The following DGLUCY variants were observed in gnomAD, a reference collection of about 807,000 sequenced individuals.
The protein encoded by DGLUCY is D-glutamate cyclase, mitochondrial.
DGLUCY carries 58 observed loss-of-function variants against 58.5 expected under a neutral mutation model. The ratio of observed to expected loss-of-function variants is 0.99; its 90% CI spans 0.80 to 1.23. The LOEUF is 1.23. Ranked by LOEUF, DGLUCY falls within the 50% of genes most tolerant of loss-of-function variation. The pLI, the probability that DGLUCY is intolerant of heterozygous loss-of-function variation, is 0.00. For synonymous variants in DGLUCY, 325 were observed against 314.1 expected, an observed-to-expected ratio of 1.03 and a Z score of -0.37; for missense variants, 779 against 784.7, an observed-to-expected ratio of 0.99 and a Z score of 0.09.
chr14:91,188,419 G>T (rs1030797433), intron 8 of DGLUCY, among the ~76,000 whole-genome samples: 1 of 152,162 alleles, frequency 6.6e-6, no homozygotes, highest in Non-Finnish European at 1.5e-5. Context: ...CAGGGGGCGG[G>T]GGTAGAATAC....
chr14:91,208,549 T>C (rs1444632387), intron 12 of DGLUCY, among the ~76,000 whole-genome samples: 1 of 151,754 alleles, frequency 6.6e-6, no homozygotes, highest in East Asian at 1.9e-4. Context: ...AGGAATTTGA[T>C]ACCAGCCTGG....
chr14:91,204,627 A>C, intron 11 of DGLUCY, 79 bp from the exon 12 acceptor site: 2 of 1,559,174 alleles, frequency 1.3e-6, no homozygotes. Context: ...GGCAACAAGC[A>C]CATGTAGGGC....
chr14:91,201,683 A>C (rs11848046), intron 11 of DGLUCY, among the ~76,000 whole-genome samples: 1 of 151,922 alleles, frequency 6.6e-6, no homozygotes, highest in Non-Finnish European at 1.5e-5. Flanking sequence ...AGCTCAAGCT[A>C]TCTTCCCACC....
chr14:91,066,995 G>A (rs1235540667), intron 1 of DGLUCY, among the ~76,000 whole-genome samples: 1 of 150,532 alleles, frequency 6.6e-6, no homozygotes, highest in Non-Finnish European at 1.5e-5. Context: ...ACAGCAGAAT[G>A]GTGTGAACCT....
chr14:91,164,010 C>T (rs968465874), intron 3 of DGLUCY, among the ~76,000 whole-genome samples: 10 of 152,070 alleles, frequency 6.6e-5, no homozygotes, highest in Admixed American at 2.0e-4. Flanking sequence ...AGTGCAGTGG[C>T]GCGATCTCGG....
At chr14:91,086,893 A>G (rs941991410) in intron 1 of DGLUCY, among the ~76,000 whole-genome samples, 5 of 152,274 alleles carry the variant, frequency 3.3e-5, no homozygotes, top group African/African-American at 1.2e-4. Context: ...TTGAAACCAC[A>G]GGTGCGCACC....
chr14:91,128,523 T>C (rs1023270527), intron 1 of DGLUCY, among the ~76,000 whole-genome samples: 1 of 151,426 alleles, frequency 6.6e-6, no homozygotes, highest in African/African-American at 2.4e-5. Context: ...AAACAAAAAA[T>C]AAAAGAAAGA....
At chr14:91,223,218 C>T (rs1037038876) in intron 13 of DGLUCY, among the ~76,000 whole-genome samples, 1 of 152,196 alleles carries the variant, frequency 6.6e-6, no homozygotes, top group Non-Finnish European at 1.5e-5. Flanking sequence ...TACCTGATTA[C>T]TCATCTAGAC....
intron 1 of DGLUCY, among the ~76,000 whole-genome samples, chr14:91,134,024 C>G: frequency 6.6e-6 from 1 of 152,158 alleles, no homozygotes; most frequent in Non-Finnish European, 1.5e-5. Context: ...GGAGCCCTTT[C>G]ACTCCATCTT....
intron 1 of DGLUCY, among the ~76,000 whole-genome samples, chr14:91,118,544 T>C (rs1229423674): frequency 1.3e-5 from 2 of 152,240 alleles, no homozygotes; most frequent in Non-Finnish European, 2.9e-5. Flanking sequence ...TTTCCTTCTT[T>C]ATCTGTCATT....
At chr14:91,101,691 T>C (rs1169644089) in intron 1 of DGLUCY, among the ~76,000 whole-genome samples, 1 of 152,202 alleles carries the variant, frequency 6.6e-6, no homozygotes, top group Non-Finnish European at 1.5e-5. Flanking sequence ...GGGGTAACTA[T>C]ACTAACATCA....
intron 1 of DGLUCY, among the ~76,000 whole-genome samples, chr14:91,092,680 T>A (rs2044332315): frequency 6.6e-6 from 1 of 152,208 alleles, no homozygotes; most frequent in Non-Finnish European, 1.5e-5. Context: ...AGAGATCTCA[T>A]GGCTTCATGG....
intron 1 of DGLUCY, among the ~76,000 whole-genome samples, chr14:91,155,993 G>A (rs1300915397): frequency 2.0e-5 from 3 of 152,110 alleles, no homozygotes; most frequent in Admixed American, 6.6e-5. Context: ...TCCTTCCACA[G>A]ATGTCTATGT....
chr14:91,075,142 T>C (rs2140036289), intron 1 of DGLUCY, among the ~76,000 whole-genome samples: 1 of 152,278 alleles, frequency 6.6e-6, no homozygotes, highest in East Asian at 1.9e-4. Flanking sequence ...GGATCTTCTA[T>C]TTGCCTTTCT....
rs141733776 is a variant in DGLUCY, at chr14:91,169,787, C to T, written c.258-216C>T. On this transcript the variant is annotated intron_variant, in intron 4 of 13. Transcript: ENST00000256324. ...ACACACTGGGTGGGAGGTGGGGGTA[C>T]GTTCTATACGTGCTGATTTAATCGT... Among the ~76,000 whole-genome samples the T allele has an allele frequency of 3.0e-3, 453 of 151,982 alleles. 4 individuals carry two copies. Among genetic ancestry groups the T allele is most frequent in the African/African-American group, 0.01 (418 of 41,434 alleles).
At chr14:91,062,980 T>C (rs1046344263) in intron 1 of DGLUCY, among the ~76,000 whole-genome samples, 1 of 152,188 alleles carries the variant, frequency 6.6e-6, no homozygotes, top group Non-Finnish European at 1.5e-5. Flanking sequence ...CTTGCTCCTA[T>C]AGAGCCTACA....
chr14:91,215,699 G>A (rs1237660411), intron 13 of DGLUCY, 143 bp downstream of exon 13: 34 of 1,557,158 alleles, frequency 2.2e-5, no homozygotes, highest in Non-Finnish European at 2.9e-5. Flanking sequence ...TGAAGCAGAG[G>A]TCTCCTGGAT....
At chr14:91,209,664 C>T (rs1347723385) in intron 12 of DGLUCY, among the ~76,000 whole-genome samples, 2 of 151,302 alleles carry the variant, frequency 1.3e-5, no homozygotes, top group Non-Finnish European at 2.9e-5. Context: ...GCCAAGATCA[C>T]GCCACTGCAC....
chr14:91,162,306 A>G (rs1034764183), intron 3 of DGLUCY, among the ~76,000 whole-genome samples: 4 of 152,238 alleles, frequency 2.6e-5, no homozygotes, highest in Non-Finnish European at 4.4e-5. Context: ...AAGTTAAAAA[A>G]AATGATTTTG....
Sources: gnomAD v4.1 joint callset for allele counts (sites outside exome capture counted in the v4.1 genomes callset) on GRCh38, gnomAD v4.1.1 for gene constraint, MANE v1.5 for transcripts, NCBI Gene and HGNC (gene_info 2026-07-23, HGNC 2026-07-21) for gene names.